The following OCA2 variants were observed in gnomAD, a reference collection of about 807,000 sequenced individuals.
OCA2 encodes P protein.
OCA2 carries 77 observed loss-of-function variants against 100.2 expected under a neutral mutation model. That is an observed-to-expected ratio of 0.77 (90% CI 0.64 to 0.93). The LOEUF is 0.93. Among genes scored for constraint, OCA2 ranks in the 40% least tolerant of loss-of-function variants. The probability of loss-of-function intolerance (pLI) is 0.00; values close to 1 mark genes in which losing one functional copy is unlikely to be tolerated. For synonymous variants in OCA2, 432 were observed against 439.2 expected (o/e 0.98, Z 0.21); for missense variants, 1,062 against 1,089.1 (o/e 0.98, Z 0.35).
chr15:27,804,229 TGAG>T (rs2151187491), intron 23 of OCA2, among the ~76,000 whole-genome samples: 1 of 152,348 alleles, frequency 6.6e-6, no homozygotes, highest in South Asian at 2.1e-4. Context: ...CCAGGAATTG[TGAG>T]AAGAACAGCA....
chr15:27,968,455 G>A (rs576122004), intron 14 of OCA2, among the ~76,000 whole-genome samples: 3 of 152,328 alleles, frequency 2.0e-5, no homozygotes, highest in Admixed American at 2.0e-4. Flanking sequence ...GAACGTTAGT[G>A]AGGATCCCAC....
At chr15:27,773,702 T>A (rs1442876345) in intron 23 of OCA2, among the ~76,000 whole-genome samples, 1 of 151,786 alleles carries the variant, frequency 6.6e-6, no homozygotes, top group Admixed American at 6.6e-5. Flanking sequence ...ACACAGGAGG[T>A]TAATAACAGA....
rs1394413927 is a variant in OCA2 at position 27,966,720 on chromosome 15, G to T, written c.1606C>A (p.Leu536Ile). Reference sequence around the variant, plus strand: ...ATCTCACTGGGTTCCTTGTTATAAAGCTTTCTGTTCCAGTAAAGGAGTCTG... The same window carrying T: ...ATCTCACTGGGTTCCTTGTTATAAATCTTTCTGTTCCAGTAAAGGAGTCTG... ...LLRLLYWNRK[L>I]YNKEPSEIVE... Residue 536 changes from leucine (L) to isoleucine (I), a missense_variant, in exon 15 of 24, where the codon CTT becomes ATT. Transcript: ENST00000354638. 1 of 1,613,894 alleles carries T rather than the reference G, an allele frequency of 6.2e-7. No individual in the cohort carries two copies. The highest frequency in any genetic ancestry group is 1.7e-5 in the Admixed American group (1 of 60,002).
intron 1 of OCA2, among the ~76,000 whole-genome samples, chr15:28,082,325 A>T (rs1228677203): frequency 6.6e-6 from 1 of 152,164 alleles, no homozygotes; most frequent in Admixed American, 6.5e-5. Context: ...TAATCTGTGG[A>T]TACTTTCGAT....
At chr15:28,095,949 T>C (rs1250112224) in intron 1 of OCA2, among the ~76,000 whole-genome samples, 1 of 152,102 alleles carries the variant, frequency 6.6e-6, no homozygotes, top group African/African-American at 2.4e-5. Context: ...TCGTCCCTAA[T>C]GCGCTGCTCA....
intron 2 of OCA2, among the ~76,000 whole-genome samples, chr15:28,076,858 A>G (rs1257022133): frequency 6.6e-6 from 1 of 150,948 alleles, no homozygotes; most frequent in Non-Finnish European, 1.5e-5. Flanking sequence ...CGTCTCAAAA[A>G]AAAAAAAAAA....
chr15:27,972,221 TCTCA>T (rs1473134157), intron 14 of OCA2, among the ~76,000 whole-genome samples: 2 of 152,330 alleles, frequency 1.3e-5, no homozygotes, highest in South Asian at 2.1e-4. Flanking sequence ...TCTCTCTCTC[TCTCA>T]AATTTTCTTT....
intron 10 of OCA2, among the ~76,000 whole-genome samples, chr15:27,990,144 G>T (rs942479877): frequency 6.6e-6 from 1 of 152,226 alleles, no homozygotes; most frequent in East Asian, 1.9e-4. Context: ...GCCCTGCTCA[G>T]ACCCAAACAG....
At chr15:27,901,300 A>G (rs2037921284) in intron 19 of OCA2, among the ~76,000 whole-genome samples, 1 of 152,158 alleles carries the variant, frequency 6.6e-6, no homozygotes, top group Non-Finnish European at 1.5e-5. Context: ...TCTTCTCCCC[A>G]GCCTTCTCCC....
downstream of OCA2, among the ~76,000 whole-genome samples, chr15:27,754,076 T>C (rs532387030): frequency 6.6e-6 from 1 of 152,150 alleles, no homozygotes; most frequent in African/African-American, 2.4e-5. Flanking sequence ...GGACAGGCTG[T>C]GGCAGGGGCT....
chr15:27,765,125 C>T (rs1029487388), intron 23 of OCA2, among the ~76,000 whole-genome samples: 5 of 152,018 alleles, frequency 3.3e-5, no homozygotes, highest in African/African-American at 1.2e-4. Flanking sequence ...GTGTCTCTTA[C>T]CAGGTGAGTG....
At chr15:27,952,525 G>C (rs1281494347) in intron 17 of OCA2, among the ~76,000 whole-genome samples, 2 of 152,324 alleles carry the variant, frequency 1.3e-5, no homozygotes, top group African/African-American at 4.8e-5. Context: ...CGTGGGGCCA[G>C]GGCAGGGAAG....
At chr15:28,021,076 AG>A (rs1294674713) in intron 6 of OCA2, among the ~76,000 whole-genome samples, 1 of 152,268 alleles carries the variant, frequency 6.6e-6, no homozygotes, top group African/African-American at 2.4e-5. Context: ...AGTAGACTAA[AG>A]AAAAAAACAC....
chr15:27,888,832 A>G (rs2037337496), intron 19 of OCA2, among the ~76,000 whole-genome samples: 1 of 152,136 alleles, frequency 6.6e-6, no homozygotes, highest in Admixed American at 6.5e-5. Context: ...TAGAGCTCCC[A>G]GAGTGGTTTT....
intron 23 of OCA2, among the ~76,000 whole-genome samples, chr15:27,776,974 T>TGGGGGGGGGGGGGGGGGGGGG (rs368182175): frequency 2.3e-5 from 1 of 43,164 alleles, no homozygotes; most frequent in Non-Finnish European, 7.2e-5. Context: ...GAGCGTGAGG[T>TGGGGGGGGGGGGGGGGGGGGG]GGGGGGGGGT....
chr15:27,939,837 C>T (rs928147833), intron 18 of OCA2, among the ~76,000 whole-genome samples: 7 of 152,210 alleles, frequency 4.6e-5, no homozygotes, highest in African/African-American at 7.2e-5. Flanking sequence ...GCATTAAACA[C>T]GGAATGCAAA....
intron 19 of OCA2, among the ~76,000 whole-genome samples, chr15:27,903,215 T>C (rs537545651): frequency 6.6e-6 from 1 of 152,326 alleles, no homozygotes; most frequent in Non-Finnish European, 1.5e-5. Context: ...AAGCAGGCTT[T>C]CGCGTAAGTC....
intron 18 of OCA2, among the ~76,000 whole-genome samples, chr15:27,945,352 T>C (rs192185626): frequency 2.3e-4 from 35 of 152,216 alleles, no homozygotes; most frequent in Admixed American, 1.0e-3. Context: ...GCCATTTCTC[T>C]GTGTGTGGCT....
intron 23 of OCA2, among the ~76,000 whole-genome samples, chr15:27,804,783 C>T (rs1433582370): frequency 6.6e-6 from 1 of 152,220 alleles, no homozygotes; most frequent in African/African-American, 2.4e-5. Context: ...AGCTACCCAG[C>T]GCCTTGGGAA....
Sources: allele counts gnomAD v4.1 joint callset (sites outside exome capture counted in the v4.1 genomes callset), GRCh38; gene constraint gnomAD v4.1.1; transcripts MANE v1.5; gene names NCBI Gene and HGNC (gene_info 2026-07-23, HGNC 2026-07-21).